The following RSKR variants were observed in gnomAD, a reference collection of about 807,000 sequenced individuals.
RSKR encodes the protein ribosomal protein S6 kinase related, also known as ribosomal protein S6 kinase-related protein.
A neutral mutation model predicts 56.8 loss-of-function variants in RSKR; 44 were observed. The ratio of observed to expected loss-of-function variants is 0.77; its 90% CI spans 0.61 to 1.00. The LOEUF (loss-of-function observed/expected upper bound fraction) is 1.00. RSKR is among the 50% of genes least tolerant of loss of function. RSKR has a pLI of 0.00. For missense variants in RSKR, 510 were observed against 506.9 expected, an observed-to-expected ratio of 1.01 and a Z score of -0.06; for synonymous variants, 181 against 188.0, an observed-to-expected ratio of 0.96 and a Z score of 0.30.
chr17:28,612,764 C>G (rs2070837850), intron 4 of RSKR, 77 bp from the exon 5 acceptor site: 1 of 1,420,752 alleles, frequency 7.0e-7, no homozygotes, highest in East Asian at 2.3e-5. Context: ...TCAGGTTTTA[C>G]CCAGATGTGC....
rs987872056 is a variant in RSKR at position 28,609,543 on chromosome 17, T to C, written c.*935A>G. On this transcript the variant is annotated 3_prime_UTR_variant, in exon 12 of 12. Transcript: ENST00000301037. ...TATTCACTTTTCAATTTTTAAAAAT[T>C]AGATTTATTGCAGACTGGCCTCAAG... The C allele has an allele frequency of 6.6e-6, 1 of 151,974 alleles. No homozygotes were observed. The highest frequency in any genetic ancestry group is 2.4e-5 in the African/African-American group (1 of 41,382). The allele number at this position is 151,974 out of a possible 1,614,324, so 9.4% of individuals were successfully genotyped here.
chr17:28,612,925 G>A (rs2151531781), intron 4 of RSKR, 153 bp downstream of exon 4: 2 of 855,032 alleles, frequency 2.3e-6, no homozygotes, highest in East Asian at 4.9e-5. Flanking sequence ...ACTGTGTTGA[G>A]AGCTGATACT....
rs2070823875 is a variant in RSKR at position 28,612,095 on chromosome 17, C to G, written c.653-11G>C. 6.2e-7 allele frequency: 1 copy of G among 1,614,046 alleles called. No individual in the cohort carries two copies. The highest frequency in any genetic ancestry group is 1.3e-5 in the African/African-American group (1 of 74,934). ...AGTCATGGAGATAACCTGTGGATAACAAGTATGGGGTATGCTGCAGCTTTT... is the reference window on the plus strand; with the variant it reads ...AGTCATGGAGATAACCTGTGGATAAGAAGTATGGGGTATGCTGCAGCTTTT... On this transcript the variant is annotated splice_polypyrimidine_tract_variant and intron_variant, in intron 6 of 11. Transcript: ENST00000301037.
rs1210702055 is a variant in RSKR, at chr17:28,613,287, G to T, written c.383C>A (p.Thr128Asn). Residue 128 changes from threonine to asparagine, a missense_variant, in exon 3 of 12, where the codon ACC becomes AAC. Transcript: ENST00000301037. Reference protein sequence around the residue: ...FGTVLKVLDCTQKAVFAVKVV... With the variant: ...FGTVLKVLDCNQKAVFAVKVV... Reference sequence around the variant, plus strand: ...CTTCACTGCAAATACAGCTTTCTGGGTGCAATCTAGCACCTTGAGGACAGT... The same window carrying T: ...CTTCACTGCAAATACAGCTTTCTGGTTGCAATCTAGCACCTTGAGGACAGT... 6.2e-7 allele frequency: 1 copy of T among 1,613,990 alleles called. No individual in the cohort carries two copies. Among genetic ancestry groups the T allele is most frequent in the Admixed American group, 1.7e-5 (1 of 60,030 alleles).
intron 5 of RSKR, 87 bp from the exon 6 acceptor site, chr17:28,612,453 G>A (rs1207479358): frequency 1.8e-5 from 26 of 1,441,344 alleles, no homozygotes; most frequent in Non-Finnish European, 2.5e-5. Context: ...GGCATTGTAG[G>A]CCTCCTGCCC....
At position 28,614,069 on chromosome 17, in the gene RSKR, C is replaced by T. The variant is rs1369254399; in HGVS notation, c.75+18G>A. ...CCCTCTCCTCCCCTCAGTAGGCTGC[C>T]AGAGCCCCACAGCCTACCTTGTGAG... On this transcript the variant is annotated intron_variant, in intron 1 of 11. Transcript: ENST00000301037. The T allele has an allele frequency of 1.9e-6, 3 of 1,610,056 alleles. No homozygotes were observed. The highest frequency in any genetic ancestry group is 2.5e-6 in the Non-Finnish European group (3 of 1,177,186).
In RSKR at chr17:28,612,182, TTATTAA is replaced by T. The variant is rs575293627; in HGVS notation, c.652+74_652+79del. On this transcript the variant is annotated intron_variant, in intron 6 of 11. Transcript: ENST00000301037. Reference sequence around the variant, plus strand: ...TCCCTATCCTATTCTTTAACTTCCATTATTAATATTAATTTTTTACTCTCCTTCTTC... The same window carrying T: ...TCCCTATCCTATTCTTTAACTTCCATTATTAATTTTTTACTCTCCTTCTTC... The T allele has an allele frequency of 1.5e-4, 244 of 1,581,300 alleles. No individual in the cohort carries two copies. The African/African-American group carries it at 2.5e-3, about 16-fold the overall frequency.
At chr17:28,613,170 C>G (rs757253988) in intron 3 of RSKR, 24 bp from the exon 4 acceptor site, 4 of 1,613,470 alleles carry the variant, frequency 2.5e-6, no homozygotes, top group Non-Finnish European at 3.4e-6. Flanking sequence ...GTAGTGATGA[C>G]TCATAGATAG....
rs552061717 is a variant in RSKR at position 28,611,026 on chromosome 17, T to A, written c.1011+117A>T. On this transcript the variant is annotated intron_variant, in intron 11 of 11. Transcript: ENST00000301037. ...GCTTAGATGGCAAGTAGTTAGGTAG[T>A]TAAGTTGGAGCCCCCTCAAAAAAAC... The A allele has an allele frequency of 8.9e-6, 8 of 903,634 alleles. No individual in the cohort carries two copies. In the South Asian group the frequency reaches 1.3e-4, roughly 14 times the overall value. The allele number at this position is 903,634 out of a possible 1,614,324, so 56.0% of individuals were successfully genotyped here. A position where few individuals can be genotyped will look rare whatever the true frequency, so the allele number is the denominator to read the frequency against.
chr17:28,612,343 G>A lies in RSKR; in HGVS notation c.571C>T (p.Leu191=), dbSNP rs1163906807. ...FIMCSYCSTD[L]YSLWSAVGCF... is the part of the protein sequence containing the mutation. ...CCAACAGCCGACCAAAGGGAGTACA[G>A]ATCTGTGCTGCAGTAGCTACACACT... The change falls in exon 6 of 12, where the codon CTG becomes TTG. Residue 191 remains leucine (L), a synonymous_variant. Coordinates refer to ENST00000301037, the MANE Select transcript of RSKR (RefSeq NM_001174103.2). 2 of 1,614,092 alleles carry A rather than the reference G, an allele frequency of 1.2e-6. No homozygotes were observed. Among genetic ancestry groups the A allele is most frequent in the Non-Finnish European group, 1.7e-6 (2 of 1,180,046 alleles).
chr17:28,609,605 G>T lies in RSKR; in HGVS notation c.*873C>A, dbSNP rs1048253089. On this transcript the variant is annotated 3_prime_UTR_variant, in exon 12 of 12. Transcript: ENST00000301037. ...TATTTTTTAGCTGCATTATTTAGGG[G>T]TTGAAATGCCAGCTTTTGAGACTTT... 6.6e-6 allele frequency: 1 copy of T among 151,920 alleles called. No individual in the cohort carries two copies. 9.4% of individuals were successfully genotyped at this position (151,920 alleles called of 1,614,324 possible). A position where few individuals can be genotyped will look rare whatever the true frequency, so the allele number is the denominator to read the frequency against.
intron 8 of RSKR, 39 bp downstream of exon 8, chr17:28,611,729 T>G (rs1195650127): frequency 4.3e-6 from 7 of 1,613,806 alleles, no homozygotes; most frequent in Non-Finnish European, 5.9e-6. Context: ...CAAACCAAAG[T>G]ACCTCTCATC....
Position 28,610,273 on chromosome 17 carries a change from G to T in RSKR, c.*205C>A. On this transcript the variant is annotated 3_prime_UTR_variant, in exon 12 of 12. Transcript: ENST00000301037. ...TCTGACATGTTGAATTGAGAGGTAG[G>T]TTGTATGATAGGGAAGGAATAGGGC... 2 of 579,500 alleles carry T rather than the reference G, an allele frequency of 3.5e-6. No homozygotes were observed. Among genetic ancestry groups the T allele is most frequent in the South Asian group, 4.2e-5 (2 of 47,074 alleles). The allele number at this position is 579,500 out of a possible 1,614,324, so 35.9% of individuals were successfully genotyped here.
intron 11 of RSKR, 148 bp from the exon 12 acceptor site, chr17:28,610,847 T>C (rs761528079): frequency 2.4e-6 from 2 of 840,950 alleles, no homozygotes; most frequent in Non-Finnish European, 3.6e-6. Flanking sequence ...GAGGGAGAAA[T>C]AGAGGCTAAT....
At chr17:28,612,191 T>C (rs2070825415) in intron 6 of RSKR, 71 bp downstream of exon 6, 6 of 1,586,648 alleles carry the variant, frequency 3.8e-6, no homozygotes, top group Non-Finnish European at 5.2e-6. Context: ...ATTATTAATA[T>C]TAATTTTTTA....
At chr17:28,610,783 A>T in intron 11 of RSKR, 84 bp from the exon 12 acceptor site, 1 of 1,332,088 alleles carries the variant, frequency 7.5e-7, no homozygotes, top group South Asian at 1.4e-5. Context: ...AAAGAAGTTC[A>T]TGGAGCTGTG....
rs1005783873 is a variant in RSKR, at chr17:28,613,591, A to T, written c.173T>A (p.Leu58Gln). Residue 58 changes from leucine to glutamine, a missense_variant, in exon 2 of 12, where the codon CTA (leucine) becomes CAA (glutamine). Physicochemically the swap from Leu to Gln is moderately radical, Grantham distance 113. Coordinates refer to ENST00000301037, the MANE Select transcript of RSKR (RefSeq NM_001174103.2). ...CTGGTGCAGATAGTGGTGCCCCCGT[A>T]GTTCCCAGAGTTCTTCCAGATCTGA... The part of the protein sequence containing the change: ...IRSDLEELWE[L>Q]RGHHYLHQES... The T allele has an allele frequency of 3.1e-6, 5 of 1,614,044 alleles. No individual in the cohort carries two copies. The highest frequency in any genetic ancestry group is 4.2e-6 in the Non-Finnish European group (5 of 1,180,032).
At chr17:28,612,986 G>C in intron 4 of RSKR, 92 bp downstream of exon 4, 1 of 1,347,112 alleles carries the variant, frequency 7.4e-7, no homozygotes, top group African/African-American at 1.4e-5. Context: ...GATGGATGAG[G>C]CAGAACCAGG....
rs142207237 is a variant in RSKR, at chr17:28,613,307, G to T, written c.363C>A (p.Val121=). Residue 121 remains valine, a synonymous_variant, in exon 3 of 12, where the codon GTC becomes GTA. Transcript: ENST00000301037. ...GLVAKGSFGT[V]LKVLDCTQKA... ...TCTGGGTGCAATCTAGCACCTTGAG[G>T]ACAGTTCCAAAGGAGCCTTTAGCCA... 2.4e-4 allele frequency: 382 copies of T among 1,614,068 alleles called. 1 individual carries two copies. Among genetic ancestry groups the T allele is most frequent in the Non-Finnish European group, 3.0e-4 (353 of 1,180,052 alleles).
Sources: allele counts gnomAD v4.1 joint callset, GRCh38; gene constraint gnomAD v4.1.1; transcripts MANE v1.5; gene names NCBI Gene and HGNC (gene_info 2026-07-23, HGNC 2026-07-21).